Variants in UBP1 observed in about 807,000 individuals in gnomAD.
UBP1 encodes upstream binding protein 1.
In UBP1, 22 loss-of-function variants were observed where a neutral mutation model predicts 76.1. The observed-to-expected ratio is 0.29, with a 90% CI of 0.21 to 0.41. UBP1 has a LOEUF of 0.41. UBP1 is among the 10% of genes least tolerant of loss of function. The probability of loss-of-function intolerance (pLI) is 1.00; values close to 1 mark genes in which losing one functional copy is unlikely to be tolerated. For missense variants in UBP1, 436 were observed against 668.1 expected (o/e 0.65, Z 3.83); for synonymous variants, 224 against 237.1 (o/e 0.94, Z 0.51).
chr3:33,400,874 C>T (rs1274906958), intron 10 of UBP1, 88 bp downstream of exon 10: 30 of 1,293,112 alleles, frequency 2.3e-5, no homozygotes, highest in Non-Finnish European at 3.1e-5. Flanking sequence ...CAAAACTTCT[C>T]ACCTACTCCA....
In UBP1 at chr3:33,439,655, G is replaced by A. The variant is rs1386100286; in HGVS notation, c.113+81C>T. The stretch of plus-strand genomic sequence containing the variant: ...GGAGGCCCGCGCACCTCTGGGAGCA[G>A]CCGCATCTGGCAGAGACTCAGGGCT... On this transcript the variant is annotated intron_variant, in intron 1 of 15. Transcript: ENST00000283629. 4.7e-6 allele frequency: 7 copies of A among 1,476,010 alleles called. No homozygotes were observed. The Admixed American group carries it at 1.2e-4, about 26-fold the overall frequency. 91.4% of individuals were successfully genotyped at this position (1,476,010 alleles called of 1,614,324 possible).
At chr3:33,432,695 A>G (rs2045134056) in intron 1 of UBP1, among the ~76,000 whole-genome samples, 1 of 152,256 alleles carries the variant, frequency 6.6e-6, no homozygotes, top group Admixed American at 6.5e-5. Context: ...TGTCAAAATC[A>G]TAAAAGAAGG....
At chr3:33,398,687 G>A (rs1436205338) in intron 11 of UBP1, among the ~76,000 whole-genome samples, 6 of 152,228 alleles carry the variant, frequency 3.9e-5, no homozygotes, top group African/African-American at 1.4e-4. Context: ...AGAAGGCCAC[G>A]CCATGTGATC....
At chr3:33,438,068 T>G (rs1235866843) in intron 1 of UBP1, among the ~76,000 whole-genome samples, 1 of 152,198 alleles carries the variant, frequency 6.6e-6, no homozygotes, top group Non-Finnish European at 1.5e-5. Flanking sequence ...TACACAGAAT[T>G]ACAAAGATCT....
At position 33,422,161 on chromosome 3, in the gene UBP1, TATTCAG is replaced by T. The variant is rs1348387757; in HGVS notation, c.265+3423_265+3428del. ...TTACTTTAAATTAGCAAGCTTCTAT[TATTCAG>T]TAGACAAAGAGGTAGGGTGAAAGAT... On this transcript the variant is annotated intron_variant, in intron 2 of 15. Coordinates refer to ENST00000283629, the MANE Select transcript of UBP1 (RefSeq NM_014517.5). Among the ~76,000 whole-genome samples the T allele has an allele frequency of 4.6e-5, 7 of 152,358 alleles. No homozygotes were observed. In the East Asian group the frequency reaches 1.3e-3, roughly 29 times the overall value.
intron 1 of UBP1, among the ~76,000 whole-genome samples, chr3:33,429,030 T>TA (rs2045068204): frequency 6.6e-6 from 1 of 152,176 alleles, no homozygotes; most frequent in Non-Finnish European, 1.5e-5. Flanking sequence ...ACACAGCTCT[T>TA]ACCACTTTCC....
chr3:33,397,057 G>A lies in UBP1; in HGVS notation c.1259C>T (p.Ser420Leu), dbSNP rs1242238787. 1.9e-6 allele frequency: 3 copies of A among 1,594,212 alleles called. No individual in the cohort carries two copies. Among genetic ancestry groups the A allele is most frequent in the Non-Finnish European group, 2.6e-6 (3 of 1,172,236 alleles). ...CACAGTATTTTACCTTGACTTCAGT[G>A]AATTATAGAGCCGAATTCCATCGGC... ...GAADGIRLYN[S>L]LKSRSVRPRL... is the part of the protein sequence containing the mutation. The change falls in exon 12 of 16, where the codon TCA (serine) becomes TTA (leucine). Residue 420 changes from serine (S) to leucine (L), a missense_variant. Transcript: ENST00000283629.
rs774726794 is a variant in UBP1 at position 33,392,626 on chromosome 3, A to T, written c.1534-12T>A. The T allele has an allele frequency of 2.5e-6, 4 of 1,606,496 alleles. No homozygotes were observed. The highest frequency in any genetic ancestry group is 3.4e-6 in the Non-Finnish European group (4 of 1,176,172). On this transcript the variant is annotated splice_polypyrimidine_tract_variant and intron_variant, in intron 14 of 15. Coordinates refer to ENST00000283629, the MANE Select transcript of UBP1 (RefSeq NM_014517.5). ...AAATTCTGAACCATCTGGAAGGATA[A>T]AGTAAATGCGTAAGTACAATTAAGA... is the stretch of plus-strand genomic sequence containing the variant.
intron 1 of UBP1, among the ~76,000 whole-genome samples, chr3:33,428,729 A>T (rs563654937): frequency 6.6e-6 from 1 of 151,996 alleles, no homozygotes; most frequent in South Asian, 2.1e-4. Flanking sequence ...CTTTTCAAAC[A>T]GAAGTTAAAC....
At chr3:33,439,568 G>A (rs570875010) in intron 1 of UBP1, among the ~76,000 whole-genome samples, 168 bp downstream of exon 1, 1 of 152,200 alleles carries the variant, frequency 6.6e-6, no homozygotes, top group Non-Finnish European at 1.5e-5. Flanking sequence ...AGGGCGAGCA[G>A]AGGCCTTTGG....
chr3:33,393,222 A>G, intron 14 of UBP1, 90 bp downstream of exon 14: 2 of 1,312,780 alleles, frequency 1.5e-6, no homozygotes, highest in Non-Finnish European at 2.1e-6. Context: ...GTATTTTCAA[A>G]AGAGGTCACA....
chr3:33,402,794 T>G lies in UBP1; in HGVS notation c.1031+7A>C, dbSNP rs623244. 0.68 allele frequency: 1,051,300 copies of G among 1,545,238 alleles called. 363,820 individuals are homozygous for G. The highest frequency in any genetic ancestry group is 0.72 in the Non-Finnish European group (822,242 of 1,149,244). ...GCTGCAGGCACACGATCACACAAACTAGATACCTGTCTGGGACACTGCAAG... is the reference window on the plus strand; with the variant it reads ...GCTGCAGGCACACGATCACACAAACGAGATACCTGTCTGGGACACTGCAAG... On this transcript the variant is annotated splice_region_variant and intron_variant, in intron 9 of 15. Coordinates refer to ENST00000283629, the MANE Select transcript of UBP1 (RefSeq NM_014517.5).
At chr3:33,405,845 G>A (rs968258581) in intron 8 of UBP1, among the ~76,000 whole-genome samples, 5 of 152,118 alleles carry the variant, frequency 3.3e-5, no homozygotes, top group African/African-American at 1.2e-4. Context: ...GCACACTGAG[G>A]GCAGAAATTA....
chr3:33,394,481 A>C (rs1053954877), intron 13 of UBP1, among the ~76,000 whole-genome samples: 12 of 150,902 alleles, frequency 8.0e-5, no homozygotes, highest in Non-Finnish European at 5.9e-5. Context: ...ATAAACAATG[A>C]AGTGTGATGC....
Position 33,396,237 on chromosome 3 carries a change from G to A in UBP1, c.1315C>T (p.Pro439Ser). 1 of 1,591,474 alleles carries A rather than the reference G, an allele frequency of 6.3e-7. No individual in the cohort carries two copies. The highest frequency in any genetic ancestry group is 8.6e-7 in the Non-Finnish European group (1 of 1,161,994). Reference sequence around the variant, plus strand: ...TGCCCTTGCAGCACTGTGCTGCTTGGCTGCTCCCGGCAGACATAGATGGTT... The same window carrying A: ...TGCCCTTGCAGCACTGTGCTGCTTGACTGCTCCCGGCAGACATAGATGGTT... ...RLTIYVCREQPSSTVLQGQQQ... is the reference protein window; with the variant it reads ...RLTIYVCREQSSSTVLQGQQQ... The change falls in exon 13 of 16, where the codon CCA (proline) becomes TCA (serine). Residue 439 changes from proline to serine, a missense_variant. Physicochemically the swap from Pro to Ser is moderately conservative, Grantham distance 74. Transcript: ENST00000283629.
At chr3:33,416,657 T>A in intron 3 of UBP1, 101 bp downstream of exon 3, 1 of 904,500 alleles carries the variant, frequency 1.1e-6, no homozygotes, top group East Asian at 2.8e-5. Flanking sequence ...AGTTAAAAAG[T>A]TGTAATACAA....
At chr3:33,425,892 T>C (rs1416983834) in intron 1 of UBP1, 151 bp from the exon 2 acceptor site, 5 of 645,916 alleles carry the variant, frequency 7.7e-6, no homozygotes, top group Non-Finnish European at 1.2e-5. Context: ...AGAAATTATA[T>C]GTAGAATAAA....
chr3:33,413,404 A>G (rs1483011781), intron 3 of UBP1, among the ~76,000 whole-genome samples: 2 of 151,812 alleles, frequency 1.3e-5, no homozygotes, highest in African/African-American at 4.8e-5. Context: ...AAAATTAGCC[A>G]GGCATGGTGG....
chr3:33,392,590 T>C lies in UBP1; in HGVS notation c.1558A>G (p.Ser520Gly). Residue 520 changes from serine (S) to glycine (G), a missense_variant, in exon 15 of 16, where the codon AGT (serine) becomes GGT (glycine). Coordinates refer to ENST00000283629, the MANE Select transcript of UBP1 (RefSeq NM_014517.5). ...TTTACTGTGGAGAATAAAAAACAAC[T>C]CTCATCTTGAAAATTCTGAACCATC... ...DQMVQNFQDE[S>G]CFLFSTVKAE... 6.2e-7 allele frequency: 1 copy of C among 1,612,012 alleles called. No individual in the cohort carries two copies. The highest frequency in any genetic ancestry group is 8.5e-7 in the Non-Finnish European group (1 of 1,179,290).
Sources: allele counts gnomAD v4.1 joint callset (sites outside exome capture counted in the v4.1 genomes callset), GRCh38; gene constraint gnomAD v4.1.1; transcripts MANE v1.5; gene names NCBI Gene and HGNC (gene_info 2026-07-23, HGNC 2026-07-21).